The following PMFBP1 variants were observed in gnomAD, a reference collection of about 807,000 sequenced individuals.
The protein encoded by PMFBP1 is polyamine modulated factor 1 binding protein 1, also known as polyamine-modulated factor 1-binding protein 1.
In PMFBP1, 131 loss-of-function variants were observed where a neutral mutation model predicts 137.8. That is an observed-to-expected ratio of 0.95 (90% CI 0.82 to 1.10). The LOEUF (loss-of-function observed/expected upper bound fraction) is 1.10. PMFBP1 is among the 50% of genes least tolerant of loss of function. The pLI, the probability that PMFBP1 is intolerant of heterozygous loss-of-function variation, is 0.00. For missense variants in PMFBP1, 1,199 were observed against 1,175.4 expected (o/e 1.02, Z -0.29); for synonymous variants, 490 against 450.4 (o/e 1.09, Z -1.11).
intron 3 of PMFBP1, among the ~76,000 whole-genome samples, chr16:72,159,142 T>C (rs2043025060): frequency 6.6e-6 from 1 of 152,240 alleles, no homozygotes; most frequent in African/African-American, 2.4e-5. Flanking sequence ...TCCCTGTTTT[T>C]TCTTCACTGC....
chr16:72,179,175 G>A (rs1373874573), upstream of PMFBP1, among the ~76,000 whole-genome samples: 2 of 152,210 alleles, frequency 1.3e-5, no homozygotes, highest in Non-Finnish European at 2.9e-5. Flanking sequence ...TCTCAGAGGT[G>A]CCTGCTCTCC....
the PMFBP1 span, among the ~76,000 whole-genome samples, chr16:72,228,941 A>G: frequency 6.7e-6 from 1 of 149,898 alleles, no homozygotes; most frequent in Non-Finnish European, 1.5e-5. Context: ...TGGTGTACAG[A>G]TTATTTTATC....
At chr16:72,133,780 G>A (rs888400059) in intron 9 of PMFBP1, among the ~76,000 whole-genome samples, 1 of 152,148 alleles carries the variant, frequency 6.6e-6, no homozygotes, top group Non-Finnish European at 1.5e-5. Context: ...GGTCCTAATA[G>A]ATAGAAAACA....
At chr16:72,151,531 G>A (rs765217869) in intron 4 of PMFBP1, among the ~76,000 whole-genome samples, 13 of 152,124 alleles carry the variant, frequency 8.5e-5, no homozygotes, top group African/African-American at 1.2e-4. Context: ...TGTATGGCTC[G>A]AATTTGATGT....
chr16:72,177,919 TCTTA>T (rs1488798350), upstream of PMFBP1, among the ~76,000 whole-genome samples: 1 of 151,712 alleles, frequency 6.6e-6, no homozygotes, highest in East Asian at 1.9e-4. Flanking sequence ...TGAGAAAGAG[TCTTA>T]CTTTGTTGCC....
At chr16:72,138,821 A>G (rs929504994) in intron 7 of PMFBP1, among the ~76,000 whole-genome samples, 1 of 150,908 alleles carries the variant, frequency 6.6e-6, no homozygotes, top group Non-Finnish European at 1.5e-5. Context: ...TGGCCACTCA[A>G]TTCTTGCTAT....
At chr16:72,123,722 C>T in intron 17 of PMFBP1, 73 bp from the exon 18 acceptor site, 1 of 1,330,332 alleles carries the variant, frequency 7.5e-7, no homozygotes, top group Non-Finnish European at 1.1e-6. Flanking sequence ...CCGAGTCAGG[C>T]CTCTTCTATC....
At chr16:72,147,912 C>T (rs960944635) in intron 5 of PMFBP1, among the ~76,000 whole-genome samples, 1 of 152,168 alleles carries the variant, frequency 6.6e-6, no homozygotes, top group African/African-American at 2.4e-5. Context: ...AACACTTTTA[C>T]ACTGTTGGTG....
At chr16:72,241,529 C>G in the PMFBP1 span, among the ~76,000 whole-genome samples, 1 of 152,126 alleles carries the variant, frequency 6.6e-6, no homozygotes, top group Non-Finnish European at 1.5e-5. Context: ...ACAGCCAAAG[C>G]CTTGCAAGAA....
chr16:72,140,408 T>A lies in PMFBP1; in HGVS notation c.807+4A>T. 1 of 1,611,800 alleles carries A rather than the reference T, an allele frequency of 6.2e-7. No individual in the cohort carries two copies. The highest frequency in any genetic ancestry group is 8.5e-7 in the Non-Finnish European group (1 of 1,177,872). Reference sequence around the variant, plus strand: ...AGAGACATGTTCTAGAAGAAGGCACTTACCAAAGCGTTACTGCAGGCCAGC... The same window carrying A: ...AGAGACATGTTCTAGAAGAAGGCACATACCAAAGCGTTACTGCAGGCCAGC... On this transcript the variant is annotated splice_donor_region_variant and intron_variant, in intron 6 of 20. Transcript: ENST00000237353.
chr16:72,201,189 G>T, the PMFBP1 span, among the ~76,000 whole-genome samples: 2 of 152,096 alleles, frequency 1.3e-5, no homozygotes, highest in African/African-American at 4.8e-5. Flanking sequence ...GACCTGGAGG[G>T]GTCTGATGGG....
At chr16:72,178,462 C>T (rs2043265858), upstream of PMFBP1, among the ~76,000 whole-genome samples, 1 of 152,162 alleles carries the variant, frequency 6.6e-6, no homozygotes, top group Non-Finnish European at 1.5e-5. Context: ...ATAATTGTTA[C>T]AGTAGTATTC....
chr16:72,125,731 C>T (rs1301037440), intron 15 of PMFBP1, among the ~76,000 whole-genome samples: 2 of 152,182 alleles, frequency 1.3e-5, no homozygotes, highest in Non-Finnish European at 2.9e-5. Context: ...CACCCATGGG[C>T]AGAAAGGCTT....
Position 72,122,952 on chromosome 16 carries a change from C to T in PMFBP1, c.2730G>A (p.Glu910=), listed in dbSNP as rs1458823423. 6.2e-7 allele frequency: 1 copy of T among 1,613,436 alleles called. No homozygotes were observed. The highest frequency in any genetic ancestry group is 1.1e-5 in the South Asian group (1 of 91,066). The stretch of plus-strand genomic sequence containing the variant: ...TCAGCTTGGCAATGTATTTCACCTG[C>T]TCTCGGAGCTGGTTTCCTAGTTTCT... ...ANEKLGNQLR[E]QVKYIAKLSG... The change falls in exon 19 of 21, where the codon GAG becomes GAA. Residue 910 remains glutamate (E), a synonymous_variant. Coordinates refer to ENST00000237353, the MANE Select transcript of PMFBP1 (RefSeq NM_031293.3).
intron 16 of PMFBP1, 87 bp downstream of exon 16, chr16:72,125,151 G>T: frequency 6.7e-7 from 1 of 1,498,048 alleles, no homozygotes; most frequent in South Asian, 1.3e-5. Context: ...CCAAGGGAAT[G>T]ACTTAGTGCT....
upstream of PMFBP1, among the ~76,000 whole-genome samples, chr16:72,173,442 C>T (rs2144539599): frequency 6.6e-6 from 1 of 152,270 alleles, no homozygotes; most frequent in South Asian, 2.1e-4. Context: ...TATGGAGTTA[C>T]ACAGCTGTAG....
chr16:72,152,346 T>C (rs2042913764), intron 4 of PMFBP1, among the ~76,000 whole-genome samples: 1 of 152,166 alleles, frequency 6.6e-6, no homozygotes, highest in Non-Finnish European at 1.5e-5. Context: ...GAACCTTGAC[T>C]CTACTGGGGG....
At chr16:72,142,269 T>C (rs1238161189) in intron 5 of PMFBP1, among the ~76,000 whole-genome samples, 1 of 152,142 alleles carries the variant, frequency 6.6e-6, no homozygotes, top group Non-Finnish European at 1.5e-5. Flanking sequence ...AGGAAGAAGA[T>C]ATCTACATAT....
the PMFBP1 span, among the ~76,000 whole-genome samples, chr16:72,214,875 T>C: frequency 6.6e-6 from 1 of 151,412 alleles, no homozygotes; most frequent in Non-Finnish European, 1.5e-5. Context: ...AAAAAGATAA[T>C]GAAAGGAATG....
Sources: gnomAD v4.1 joint callset for allele counts (sites outside exome capture counted in the v4.1 genomes callset) on GRCh38, gnomAD v4.1.1 for gene constraint, MANE v1.5 for transcripts, NCBI Gene and HGNC (gene_info 2026-07-23, HGNC 2026-07-21) for gene names.